The following CNTN4 variants were observed in gnomAD, a reference collection of about 807,000 sequenced individuals.
The protein encoded by CNTN4 is contactin 4.
In CNTN4, 77 loss-of-function variants were observed where a neutral mutation model predicts 122.5. That is an observed-to-expected ratio of 0.63 (90% CI 0.52 to 0.76). CNTN4 has a LOEUF of 0.76. CNTN4 is among the 30% of genes least tolerant of loss of function. The probability of loss-of-function intolerance (pLI) is 0.00; values close to 1 mark genes in which losing one functional copy is unlikely to be tolerated. For synonymous variants in CNTN4, 512 were observed against 447.0 expected, an observed-to-expected ratio of 1.15 and a Z score of -1.83; for missense variants, 1,256 against 1,259.1, an observed-to-expected ratio of 1.00 and a Z score of 0.04.
At chr3:2,933,982 AG>A (rs964224012) in intron 13 of CNTN4, among the ~76,000 whole-genome samples, 4 of 152,098 alleles carry the variant, frequency 2.6e-5, no homozygotes, top group African/African-American at 9.7e-5. Flanking sequence ...AGACTCAAAG[AG>A]GTGGGAGAAC....
chr3:2,837,921 C>T (rs922402890), intron 7 of CNTN4, among the ~76,000 whole-genome samples: 3 of 152,158 alleles, frequency 2.0e-5, no homozygotes, highest in African/African-American at 7.2e-5. Context: ...CCCATGTACC[C>T]AGCAGCAATC....
At chr3:2,668,594 T>G (rs2084312105) in intron 4 of CNTN4, among the ~76,000 whole-genome samples, 1 of 152,204 alleles carries the variant, frequency 6.6e-6, no homozygotes, top group Non-Finnish European at 1.5e-5. Flanking sequence ...TTCCTTCTCC[T>G]GCCTGATTGC....
intron 2 of CNTN4, among the ~76,000 whole-genome samples, chr3:2,113,705 A>C (rs937364679): frequency 6.6e-6 from 1 of 152,218 alleles, no homozygotes; most frequent in African/African-American, 2.4e-5. Context: ...GCAGATACAC[A>C]AATTTTCAAA....
At chr3:2,158,232 G>T (rs547325538) in intron 2 of CNTN4, among the ~76,000 whole-genome samples, 1 of 152,088 alleles carries the variant, frequency 6.6e-6, no homozygotes, top group Admixed American at 6.6e-5. Flanking sequence ...TACAAAGGGC[G>T]AATTTTTTCC....
intron 3 of CNTN4, among the ~76,000 whole-genome samples, chr3:2,450,591 G>T (rs2048793559): frequency 6.6e-6 from 1 of 152,010 alleles, no homozygotes; most frequent in Admixed American, 6.6e-5. Flanking sequence ...GGTTTTATCA[G>T]TGTCACTTTG....
chr3:2,609,856 C>T (rs1012310728), intron 4 of CNTN4, among the ~76,000 whole-genome samples: 9 of 151,984 alleles, frequency 5.9e-5, no homozygotes, highest in African/African-American at 2.2e-4. Flanking sequence ...ATTTGTGCAA[C>T]TTTATATGTA....
At chr3:2,798,700 G>A (rs1241597975) in intron 6 of CNTN4, among the ~76,000 whole-genome samples, 3 of 152,056 alleles carry the variant, frequency 2.0e-5, no homozygotes, top group Non-Finnish European at 4.4e-5. Flanking sequence ...TAGTAGAGAT[G>A]CGGCCTTGTC....
At chr3:2,394,734 G>A (rs1160562135) in intron 3 of CNTN4, among the ~76,000 whole-genome samples, 1 of 150,894 alleles carries the variant, frequency 6.6e-6, no homozygotes, top group African/African-American at 2.4e-5. Flanking sequence ...TGTACACAAA[G>A]GAGTTTTTCC....
At chr3:2,734,867 G>A (rs866429979) in intron 4 of CNTN4, among the ~76,000 whole-genome samples, 1 of 152,084 alleles carries the variant, frequency 6.6e-6, no homozygotes, top group African/African-American at 2.4e-5. Flanking sequence ...CACATATAAG[G>A]GGACTGCCAG....
chr3:3,030,404 T>C (rs1699064010), intron 15 of CNTN4, among the ~76,000 whole-genome samples: 1 of 152,170 alleles, frequency 6.6e-6, no homozygotes, highest in African/African-American at 2.4e-5. Context: ...CAATGCTGGC[T>C]CTAAGAAAGG....
At chr3:2,805,474 T>A (rs2092443993) in intron 6 of CNTN4, among the ~76,000 whole-genome samples, 1 of 152,184 alleles carries the variant, frequency 6.6e-6, no homozygotes, top group Non-Finnish European at 1.5e-5. Context: ...AATGAGAATG[T>A]AGCTGGATAT....
chr3:2,693,730 T>G (rs1432149691), intron 4 of CNTN4, among the ~76,000 whole-genome samples: 1 of 152,142 alleles, frequency 6.6e-6, no homozygotes, highest in Non-Finnish European at 1.5e-5. Context: ...TTCTAGTGTT[T>G]GGGAGAATTT....
At chr3:2,170,969 A>G (rs2036476445) in intron 2 of CNTN4, among the ~76,000 whole-genome samples, 1 of 152,212 alleles carries the variant, frequency 6.6e-6, no homozygotes, top group African/African-American at 2.4e-5. Flanking sequence ...TGAAACTTAA[A>G]TATAGAAATA....
chr3:2,851,966 C>G (rs2093557296), intron 7 of CNTN4, among the ~76,000 whole-genome samples: 1 of 152,136 alleles, frequency 6.6e-6, no homozygotes, highest in African/African-American at 2.4e-5. Context: ...CAGCTATAAT[C>G]TGTAATACAT....
intron 4 of CNTN4, among the ~76,000 whole-genome samples, chr3:2,603,281 C>G (rs1199184755): frequency 6.6e-6 from 1 of 152,072 alleles, no homozygotes; most frequent in African/African-American, 2.4e-5. Flanking sequence ...CAGCGTATTT[C>G]TTGATATTGA....
At position 2,841,931 on chromosome 3, in the gene CNTN4, T is replaced by C. The variant is rs1408828909; in HGVS notation, c.454+22350T>C. Among the ~76,000 whole-genome samples, 1 of 152,084 alleles carries C rather than the reference T, an allele frequency of 6.6e-6. No individual in the cohort carries two copies. The highest frequency in any genetic ancestry group is 1.9e-4 in the East Asian group (1 of 5,180). On this transcript the variant is annotated intron_variant, in intron 7 of 24. Transcript: ENST00000418658. The surrounding 1 kb of genome is among the most constrained non-coding windows in gnomAD (Gnocchi z 4.8). ...CTGTTAAAGGATTAATTAGGTCACATTGAAATATATGATTTTAAAACAGAT... is the reference window on the plus strand; with the variant it reads ...CTGTTAAAGGATTAATTAGGTCACACTGAAATATATGATTTTAAAACAGAT...
At chr3:2,292,833 C>T (rs986385909) in intron 2 of CNTN4, among the ~76,000 whole-genome samples, 6 of 152,158 alleles carry the variant, frequency 3.9e-5, no homozygotes, top group Non-Finnish European at 8.8e-5. Context: ...TGGATGTTCC[C>T]AGTTTGGGAC....
chr3:2,344,279 T>TTA (rs386395786), intron 3 of CNTN4, among the ~76,000 whole-genome samples: 1 of 57,536 alleles, frequency 1.7e-5, no homozygotes, highest in Non-Finnish European at 3.6e-5. Context: ...CCAGGTCAAA[T>TTA]TTTTTTTTTT....
intron 4 of CNTN4, among the ~76,000 whole-genome samples, chr3:2,713,933 A>G (rs573018152): frequency 3.6e-4 from 55 of 152,204 alleles, no homozygotes; most frequent in Non-Finnish European, 6.0e-4. Flanking sequence ...GATGATGATA[A>G]TACCTTCATC....
Sources: allele counts gnomAD v4.1 joint callset (sites outside exome capture counted in the v4.1 genomes callset), GRCh38; gene constraint gnomAD v4.1.1; non-coding constraint Gnocchi (gnomAD v3.1); transcripts MANE v1.5; gene names NCBI Gene and HGNC (gene_info 2026-07-23, HGNC 2026-07-21).